ARHGAP20: variants seen among roughly 807,000 people sequenced by gnomAD.
The protein encoded by ARHGAP20 is rho GTPase-activating protein 20.
ARHGAP20 carries 34 observed loss-of-function variants against 73.7 expected under a neutral mutation model. That is an observed-to-expected ratio of 0.46 (90% CI 0.35 to 0.61). The LOEUF (loss-of-function observed/expected upper bound fraction) is 0.61. ARHGAP20 is among the 20% of genes least tolerant of loss of function. ARHGAP20 has a pLI of 0.00. For missense variants in ARHGAP20, 1,314 were observed against 1,420.9 expected (o/e 0.92, Z 1.21); for synonymous variants, 523 against 518.2 (o/e 1.01, Z -0.13).
intron 2 of ARHGAP20, among the ~76,000 whole-genome samples, chr11:110,667,137 A>T (rs1207656810): frequency 1.3e-5 from 2 of 152,236 alleles, no homozygotes; most frequent in East Asian, 3.8e-4. Context: ...ATTGATGAAA[A>T]TGGCTACACT....
At chr11:110,710,031 C>G (rs1950617587) in intron 1 of ARHGAP20, among the ~76,000 whole-genome samples, 1 of 152,154 alleles carries the variant, frequency 6.6e-6, no homozygotes, top group African/African-American at 2.4e-5. Flanking sequence ...TTGACAATAG[C>G]TTCCCTGATG....
At chr11:110,585,359 G>GAAAC (rs2134801382) in intron 12 of ARHGAP20, among the ~76,000 whole-genome samples, 1 of 152,142 alleles carries the variant, frequency 6.6e-6, no homozygotes, top group Admixed American at 6.6e-5. Flanking sequence ...CTATCTGAAT[G>GAAAC]GTTTACGCCA....
At chr11:110,689,677 ATC>A (rs777081799) in intron 2 of ARHGAP20, among the ~76,000 whole-genome samples, 26 of 152,158 alleles carry the variant, frequency 1.7e-4, no homozygotes, top group Non-Finnish European at 3.2e-4. Context: ...TTGGGTGACC[ATC>A]AGTTGATGGT....
chr11:110,590,547 T>C, intron 11 of ARHGAP20, 101 bp downstream of exon 11: 1 of 1,227,714 alleles, frequency 8.1e-7, no homozygotes, highest in Non-Finnish European at 1.1e-6. Context: ...AAATCTATTA[T>C]GGGTCTTTGC....
In ARHGAP20 at chr11:110,709,729, G is replaced by A. The variant is rs1225777509; in HGVS notation, c.105+2398C>T. Among the ~76,000 whole-genome samples the A allele has an allele frequency of 2.6e-5, 4 of 152,176 alleles. No homozygotes were observed. In the East Asian group the frequency reaches 7.7e-4, roughly 29 times the overall value. ...TGGTTGGAGAATACACAAACAAGGG[G>A]GGGATGCATAGATGAGGTGGCAGAA... On this transcript the variant is annotated intron_variant, in intron 1 of 14. Coordinates refer to ENST00000683387, the MANE Select transcript of ARHGAP20 (RefSeq NM_001384657.1).
chr11:110,581,676 C>A (rs1031576927), intron 14 of ARHGAP20, among the ~76,000 whole-genome samples: 6 of 152,168 alleles, frequency 3.9e-5, no homozygotes. Context: ...TTAATCTTTA[C>A]AACAACCATA....
chr11:110,577,840 T>C lies in ARHGAP20; in HGVS notation c.*1530A>G. 1 of 985,734 alleles carries C rather than the reference T, an allele frequency of 1.0e-6. No homozygotes were observed. The highest frequency in any genetic ancestry group is 1.2e-6 in the Non-Finnish European group (1 of 829,840). The allele number at this position is 985,734 out of a possible 1,614,324, so 61.1% of individuals were successfully genotyped here. A position where few individuals can be genotyped will look rare whatever the true frequency, so the allele number is the denominator to read the frequency against. On this transcript the variant is annotated 3_prime_UTR_variant, in exon 15 of 15. Coordinates refer to ENST00000683387, the MANE Select transcript of ARHGAP20 (RefSeq NM_001384657.1). Reference sequence around the variant, plus strand: ...ACTTCTTCTATCTTAGAGAAAATATTTTTTCCCCTATAACTGAAAATGCAA... The same window carrying C: ...ACTTCTTCTATCTTAGAGAAAATATCTTTTCCCCTATAACTGAAAATGCAA...
chr11:110,613,218 A>C (rs1274577301), intron 6 of ARHGAP20, among the ~76,000 whole-genome samples: 1 of 152,232 alleles, frequency 6.6e-6, no homozygotes, highest in South Asian at 2.1e-4. Context: ...TTGGCTAGTA[A>C]ACAAATAACA....
At chr11:110,600,701 T>C (rs536417989) in intron 9 of ARHGAP20, among the ~76,000 whole-genome samples, 1 of 134,068 alleles carries the variant, frequency 7.5e-6, no homozygotes, top group South Asian at 2.3e-4. Flanking sequence ...CAGTAACATA[T>C]AACAGTAACA....
At chr11:110,591,834 T>C in intron 10 of ARHGAP20, 143 bp downstream of exon 10, 1 of 857,998 alleles carries the variant, frequency 1.2e-6, no homozygotes, top group Non-Finnish European at 1.7e-6. Flanking sequence ...TCAGATTTTG[T>C]TATTTGGAGG....
At chr11:110,653,112 A>T (rs1238616565) in intron 2 of ARHGAP20, among the ~76,000 whole-genome samples, 1 of 152,202 alleles carries the variant, frequency 6.6e-6, no homozygotes, top group Non-Finnish European at 1.5e-5. Context: ...CCCAAACTAT[A>T]AAAATCCTAG....
chr11:110,678,786 G>A (rs1949982763), intron 2 of ARHGAP20, among the ~76,000 whole-genome samples: 1 of 151,986 alleles, frequency 6.6e-6, no homozygotes, highest in African/African-American at 2.4e-5. Context: ...TCAGCCTCCT[G>A]AGTAGCTGGG....
intron 1 of ARHGAP20, among the ~76,000 whole-genome samples, chr11:110,693,270 T>C (rs1252568112): frequency 6.6e-6 from 1 of 151,920 alleles, no homozygotes; most frequent in Admixed American, 6.6e-5. Context: ...TAGTTTGTTT[T>C]TATTTCAGGT....
intron 2 of ARHGAP20, 149 bp from the exon 3 acceptor site, chr11:110,630,941 A>C: frequency 2.1e-5 from 15 of 707,404 alleles, no homozygotes; most frequent in South Asian, 3.1e-5. Context: ...TTAATATTTC[A>C]TTATGAAAAT....
At chr11:110,582,848 A>G (rs1947510351) in intron 13 of ARHGAP20, among the ~76,000 whole-genome samples, 1 of 152,216 alleles carries the variant, frequency 6.6e-6, no homozygotes, top group Non-Finnish European at 1.5e-5. Context: ...AAAGACAGCT[A>G]GAAAGAAAAC....
Position 110,590,733 on chromosome 11 carries a change from C to T in ARHGAP20, c.1220G>A (p.Cys407Tyr). 1.2e-6 allele frequency: 2 copies of T among 1,614,060 alleles called. No homozygotes were observed. The highest frequency in any genetic ancestry group is 1.7e-6 in the Non-Finnish European group (2 of 1,180,000). Residue 407 changes from cysteine (C) to tyrosine (Y), a missense_variant, in exon 11 of 15, where the codon TGC becomes TAC. This residue lies in a region of ARHGAP20 where 230 missense variants were observed against 317.6 expected (regional missense o/e 0.72). Coordinates refer to ENST00000683387, the MANE Select transcript of ARHGAP20 (RefSeq NM_001384657.1). ...IFRQSANVKSCRELKEKLNSG... is the reference protein window; with the variant it reads ...IFRQSANVKSYRELKEKLNSG... Reference sequence around the variant, plus strand: ...ATTCAATTTCTCTTTTAGTTCTCTGCAGGATTTCACATTGGCTGATTGCCT... The same window carrying T: ...ATTCAATTTCTCTTTTAGTTCTCTGTAGGATTTCACATTGGCTGATTGCCT...
chr11:110,632,660 C>A (rs1948883439), intron 2 of ARHGAP20, among the ~76,000 whole-genome samples: 1 of 152,170 alleles, frequency 6.6e-6, no homozygotes, highest in Admixed American at 6.5e-5. Context: ...CTGCCTTGGC[C>A]TCCCAAAGTG....
intron 2 of ARHGAP20, among the ~76,000 whole-genome samples, chr11:110,657,342 CA>C (rs1341129392): frequency 5.3e-5 from 8 of 151,936 alleles, no homozygotes; most frequent in Non-Finnish European, 8.8e-5. Flanking sequence ...ATGAGGTAGT[CA>C]CTGGCCACTG....
chr11:110,579,604 G>A lies in ARHGAP20; in HGVS notation c.3342C>T (p.Pro1114=), dbSNP rs372534511. Residue 1114 remains proline (P), a synonymous_variant, in exon 15 of 15, where the codon CCC becomes CCT. Coordinates refer to ENST00000683387, the MANE Select transcript of ARHGAP20 (RefSeq NM_001384657.1). ...TACAGTGTCTCTCTGAGTCCTGGAA[G>A]GGAGAAGAACTACACCTTTGGGCTG... The part of the protein sequence containing the change: ...VQSAQRCSSS[P]FQDSERHCSS... 40 of 1,614,006 alleles carry A rather than the reference G, an allele frequency of 2.5e-5. No homozygotes were observed. Among genetic ancestry groups the A allele is most frequent in the Admixed American group, 6.7e-5 (4 of 60,002 alleles).
Sources: allele counts gnomAD v4.1 joint callset (sites outside exome capture counted in the v4.1 genomes callset), GRCh38; gene constraint gnomAD v4.1.1; regional missense constraint gnomAD v4.1.1; transcripts MANE v1.5; gene names NCBI Gene and HGNC (gene_info 2026-07-23, HGNC 2026-07-21).